The following CCDC102B variants were observed in gnomAD, a reference collection of about 807,000 sequenced individuals.
CCDC102B encodes coiled-coil domain containing 102B, also known as coiled-coil domain-containing protein 102B.
CCDC102B carries 75 observed loss-of-function variants against 57.4 expected under a neutral mutation model. The ratio of observed to expected loss-of-function variants is 1.31; its 90% CI spans 1.08 to 1.58. The LOEUF is 1.58. Ranked by LOEUF, CCDC102B falls within the 40% of genes most tolerant of loss-of-function variation. The pLI is 0.00. For missense variants in CCDC102B, 636 were observed against 582.6 expected, an observed-to-expected ratio of 1.09 and a Z score of -0.94; for synonymous variants, 206 against 201.9, an observed-to-expected ratio of 1.02 and a Z score of -0.17.
At chr18:69,037,255 C>T (rs2052319998) in intron 7 of CCDC102B, among the ~76,000 whole-genome samples, 1 of 151,774 alleles carries the variant, frequency 6.6e-6, no homozygotes, top group African/African-American at 2.4e-5. Context: ...CCCACACATC[C>T]GTATGTACAA....
chr18:69,027,763 G>A (rs755472508), intron 7 of CCDC102B, among the ~76,000 whole-genome samples: 10 of 151,658 alleles, frequency 6.6e-5, no homozygotes, highest in South Asian at 6.3e-4. Flanking sequence ...CAGTGCATAC[G>A]TATGATATAG....
chr18:68,874,940 G>A, intron 5 of CCDC102B, 155 bp downstream of exon 5: 1 of 503,868 alleles, frequency 2.0e-6, no homozygotes. Context: ...TGATTTAAAA[G>A]GCTGTGGAAT....
chr18:68,728,418 A>T (rs573268240), intron 2 of CCDC102B, among the ~76,000 whole-genome samples: 1 of 152,362 alleles, frequency 6.6e-6, no homozygotes, highest in South Asian at 2.1e-4. Context: ...TACTACCCAA[A>T]GATTGAACAA....
intron 1 of CCDC102B, among the ~76,000 whole-genome samples, chr18:68,810,249 A>G (rs935515605): frequency 3.3e-4 from 50 of 152,206 alleles, no homozygotes; most frequent in African/African-American, 1.2e-3. Context: ...TTCAATTTTC[A>G]GATAGATTTT....
chr18:68,837,039 G>T lies in CCDC102B; in HGVS notation c.276G>T (p.Met92Ile). The T allele has an allele frequency of 1.2e-6, 2 of 1,614,198 alleles. No individual in the cohort carries two copies. Among genetic ancestry groups the T allele is most frequent in the South Asian group, 2.2e-5 (2 of 91,084 alleles). ...GAGCTGCTCAGATGGAAAAGACCAT[G>T]CGGTGGTGGTCGGACTGCACTGCCA... is the stretch of plus-strand genomic sequence containing the variant. ...KARAAQMEKT[M>I]RWWSDCTANW... The change falls in exon 2 of 8, where the codon ATG becomes ATT. Residue 92 changes from methionine (M) to isoleucine (I), a missense_variant. Physicochemically the swap from Met to Ile is conservative, Grantham distance 10. Transcript: ENST00000360242.
chr18:69,032,856 G>C (rs559488419), intron 7 of CCDC102B, among the ~76,000 whole-genome samples: 2 of 152,050 alleles, frequency 1.3e-5, no homozygotes, highest in Admixed American at 1.3e-4. Context: ...ACTCTCACTG[G>C]TCGTGAAGCT....
chr18:68,879,693 G>A (rs963734009), intron 5 of CCDC102B, among the ~76,000 whole-genome samples: 37 of 152,070 alleles, frequency 2.4e-4, no homozygotes, highest in African/African-American at 8.4e-4. Flanking sequence ...ACAGAGTGCC[G>A]ATTGGTGTAT....
chr18:68,842,655 G>A (rs964459235), intron 3 of CCDC102B, among the ~76,000 whole-genome samples: 1 of 152,062 alleles, frequency 6.6e-6, no homozygotes, highest in Non-Finnish European at 1.5e-5. Context: ...GTTTCCAGAG[G>A]CAGCGGTGGC....
At chr18:69,031,860 A>G (rs542665774) in intron 7 of CCDC102B, among the ~76,000 whole-genome samples, 1 of 152,296 alleles carries the variant, frequency 6.6e-6, no homozygotes, top group East Asian at 1.9e-4. Flanking sequence ...ATTTTATAAT[A>G]AGCAAAATCA....
chr18:68,790,738 C>A (rs901245396), intron 2 of CCDC102B, among the ~76,000 whole-genome samples: 1 of 152,190 alleles, frequency 6.6e-6, no homozygotes, highest in Non-Finnish European at 1.5e-5. Context: ...CTGGCACTCC[C>A]TAGTGAGATG....
At position 68,952,290 on chromosome 18, in the gene CCDC102B, A is replaced by G. The variant is rs143945830; in HGVS notation, c.1263+54862A>G. On this transcript the variant is annotated intron_variant, in intron 6 of 7. Transcript: ENST00000360242. ...CCTCTTCAAAATGGGGTTATTCACA[A>G]CTACCTTAGACTTCACAAAATCATA... 4.6e-3 allele frequency among the ~76,000 whole-genome samples: 704 copies of G among 152,188 alleles called. 7 individuals are homozygous for G. Among genetic ancestry groups the G allele is most frequent in the African/African-American group, 0.016 (673 of 41,532 alleles).
At chr18:68,804,162 C>T (rs1252268324) in intron 1 of CCDC102B, among the ~76,000 whole-genome samples, 1 of 152,154 alleles carries the variant, frequency 6.6e-6, no homozygotes, top group African/African-American at 2.4e-5. Flanking sequence ...GAGTTTCCAA[C>T]AATGATGTGC....
chr18:69,028,493 A>G (rs1042396936), intron 7 of CCDC102B, among the ~76,000 whole-genome samples: 1 of 152,188 alleles, frequency 6.6e-6, no homozygotes, highest in African/African-American at 2.4e-5. Flanking sequence ...TAGGAAGGAC[A>G]GTGGTATGTC....
chr18:68,734,977 C>T (rs1441678791), intron 2 of CCDC102B, among the ~76,000 whole-genome samples: 1 of 152,176 alleles, frequency 6.6e-6, no homozygotes, highest in Admixed American at 6.6e-5. Flanking sequence ...AAAGTTTATA[C>T]AGGACTTGTT....
chr18:68,803,323 G>A (rs564354654), intron 1 of CCDC102B, among the ~76,000 whole-genome samples: 9 of 152,208 alleles, frequency 5.9e-5, no homozygotes, highest in East Asian at 5.8e-4. Context: ...TTTACATTAA[G>A]CATATAGTCT....
intron 3 of CCDC102B, among the ~76,000 whole-genome samples, chr18:68,845,246 T>G (rs1428103286): frequency 1.3e-5 from 2 of 151,886 alleles, no homozygotes; most frequent in Admixed American, 1.3e-4. Flanking sequence ...TAAATGACAT[T>G]CAATATTGAT....
chr18:69,056,942 T>A (rs1431410), downstream of CCDC102B, among the ~76,000 whole-genome samples: 229 of 151,960 alleles, frequency 1.5e-3, 3 homozygotes, highest in African/African-American at 5.3e-3. Context: ...CTAGGAATAT[T>A]TCTCCTTTAG....
At position 68,837,283 on chromosome 18, in the gene CCDC102B, T is replaced by C. The variant is rs1306731395; in HGVS notation, c.520T>C (p.Phe174Leu). 2.5e-6 allele frequency: 4 copies of C among 1,613,984 alleles called. No individual in the cohort carries two copies. Among genetic ancestry groups the C allele is most frequent in the Non-Finnish European group, 3.4e-6 (4 of 1,179,994 alleles). ...VEESCEHTDQ[F>L]QLSSQMHESI... ...AGAATCCTGTGAACATACAGACCAA[T>C]TTCAATTGAGTTCACAAATGCATGA... Residue 174 changes from phenylalanine (F) to leucine (L), a missense_variant, in exon 2 of 8, where the codon TTT becomes CTT. Phe to Leu is a conservative substitution (Grantham distance 22, BLOSUM62 0). Coordinates refer to ENST00000360242, the MANE Select transcript of CCDC102B (RefSeq NM_024781.3).
At chr18:69,047,520 A>T (rs2052597468) in intron 7 of CCDC102B, among the ~76,000 whole-genome samples, 1 of 152,146 alleles carries the variant, frequency 6.6e-6, no homozygotes, top group Non-Finnish European at 1.5e-5. Context: ...TATTCAACAT[A>T]GTATGAGAAG....
Sources: allele counts gnomAD v4.1 joint callset (sites outside exome capture counted in the v4.1 genomes callset), GRCh38; gene constraint gnomAD v4.1.1; transcripts MANE v1.5; gene names NCBI Gene and HGNC (gene_info 2026-07-23, HGNC 2026-07-21).